CNIH3: variants seen among roughly 807,000 people sequenced by gnomAD.
CNIH3 encodes protein cornichon homolog 3.
CNIH3 carries 14 observed loss-of-function variants against 24.1 expected under a neutral mutation model. The observed-to-expected ratio is 0.58, with a 90% CI of 0.38 to 0.91. The LOEUF is 0.91. Ranked by LOEUF, CNIH3 falls within the 40% of genes least tolerant of loss-of-function variation. CNIH3 has a pLI of 0.00. For missense variants in CNIH3, 178 were observed against 196.8 expected (o/e 0.90, Z 0.57); for synonymous variants, 68 against 73.8 (o/e 0.92, Z 0.40).
chr1:224,449,649 C>T (rs1572261782), intron 1 of CNIH3, among the ~76,000 whole-genome samples: 2 of 152,140 alleles, frequency 1.3e-5, no homozygotes, highest in Admixed American at 6.6e-5. Context: ...CACACCACCA[C>T]CCCCGGCTAC....
At chr1:224,733,569 C>T (rs973387960) in intron 4 of CNIH3, among the ~76,000 whole-genome samples, 5 of 152,152 alleles carry the variant, frequency 3.3e-5, no homozygotes, top group South Asian at 2.1e-4. Context: ...TCCGGATCTG[C>T]GAGTTGCTAC....
intron 1 of CNIH3, among the ~76,000 whole-genome samples, chr1:224,472,010 T>C (rs912330968): frequency 1.3e-5 from 2 of 152,360 alleles, no homozygotes; most frequent in South Asian, 4.1e-4. Context: ...TTGTCAATAG[T>C]GCTGCAGTAA....
At position 224,452,105 on chromosome 1, in the gene CNIH3, C is replaced by G. The variant is rs570031023; in HGVS notation, n.203+17243C>G. ...TCCTCCATGTTGCACTATTATTTTT[C>G]TAATAGTAGAATTAAGACGAAAGTG... On this transcript the variant is annotated intron_variant and non_coding_transcript_variant, in intron 1 of 5. Transcript: ENST00000471578. Among the ~76,000 whole-genome samples the G allele has an allele frequency of 2.0e-5, 3 of 150,918 alleles. No individual in the cohort carries two copies. The East Asian group carries it at 5.8e-4, about 29-fold the overall frequency.
At chr1:224,705,117 AAAAAAT>A (rs572351893) in intron 3 of CNIH3, among the ~76,000 whole-genome samples, 2 of 152,254 alleles carry the variant, frequency 1.3e-5, no homozygotes, top group Middle Eastern at 3.4e-3. Flanking sequence ...CTCCCTCTCA[AAAAAAT>A]AAAAATAAAA....
intron 1 of CNIH3, among the ~76,000 whole-genome samples, chr1:224,450,061 C>T (rs1424318320): frequency 2.0e-5 from 3 of 151,998 alleles, no homozygotes; most frequent in Admixed American, 1.3e-4. Flanking sequence ...ATTGGGAAGC[C>T]CCCTGAGCCA....
intron 1 of CNIH3, among the ~76,000 whole-genome samples, chr1:224,658,004 C>T (rs1279918733): frequency 6.6e-6 from 1 of 152,114 alleles, no homozygotes. Flanking sequence ...ATTAATAACA[C>T]ATTTATATCA....
rs149299345 is a variant in CNIH3 at position 224,492,321 on chromosome 1, C to T, written n.204-23420C>T. Reference sequence around the variant, plus strand: ...ATTACTGTGTGTAGGCATTCCTCCCCAACCTGTAAAGCATAGTTCTTGTTC... The same window carrying T: ...ATTACTGTGTGTAGGCATTCCTCCCTAACCTGTAAAGCATAGTTCTTGTTC... On this transcript the variant is annotated intron_variant and non_coding_transcript_variant, in intron 1 of 5. Transcript: ENST00000471578. Among the ~76,000 whole-genome samples the T allele has an allele frequency of 4.7e-4, 71 of 152,356 alleles. 1 individual carries two copies. The East Asian group carries it at 0.011, about 24-fold the overall frequency.
chr1:224,625,230 G>T (rs2125070228), intron 1 of CNIH3, among the ~76,000 whole-genome samples: 1 of 152,310 alleles, frequency 6.6e-6, no homozygotes, highest in South Asian at 2.1e-4. Flanking sequence ...ACCTGGTTAT[G>T]ACAATCATCT....
At chr1:224,627,510 C>T (rs1683597499) in intron 1 of CNIH3, among the ~76,000 whole-genome samples, 1 of 152,096 alleles carries the variant, frequency 6.6e-6, no homozygotes, top group Non-Finnish European at 1.5e-5. Context: ...AGGCGTGAGC[C>T]ACCGCACCTG....
chr1:224,516,585 G>A (rs1678393519), intron 1 of CNIH3, among the ~76,000 whole-genome samples: 1 of 152,220 alleles, frequency 6.6e-6, no homozygotes, highest in Non-Finnish European at 1.5e-5. Flanking sequence ...TGGGCTTTCT[G>A]CCTTTGGGGT....
upstream of CNIH3, among the ~76,000 whole-genome samples, chr1:224,612,396 A>T (rs1682742625): frequency 6.6e-6 from 1 of 151,874 alleles, no homozygotes; most frequent in Admixed American, 6.6e-5. The surrounding 1 kb of genome is among the most constrained non-coding windows in gnomAD (Gnocchi z 4.7). Context: ...TGAGGAGGAG[A>T]CTGAGCTATG....
chr1:224,535,608 G>A (rs1171299948), intron 2 of CNIH3, among the ~76,000 whole-genome samples: 1 of 152,176 alleles, frequency 6.6e-6, no homozygotes, highest in Non-Finnish European at 1.5e-5. Flanking sequence ...GGGGTGTGGG[G>A]AACTGCATGG....
At position 224,599,945 on chromosome 1, in the gene CNIH3, T is replaced by C. The variant is rs183006042; in HGVS notation, n.402+33681T>C. Among the ~76,000 whole-genome samples, 257 of 152,350 alleles carry C rather than the reference T, an allele frequency of 1.7e-3. 1 individual carries two copies. Among genetic ancestry groups the C allele is most frequent in the African/African-American group, 5.4e-3 (225 of 41,590 alleles). On this transcript the variant is annotated intron_variant and non_coding_transcript_variant, in intron 3 of 7. Coordinates refer to the CNIH3 transcript ENST00000478120. ...TTACAGGTTTTCTATTGGGGCTTCA[T>C]AGAAAATTAATGAATGACATTTTAC...
chr1:224,659,917 A>G (rs534391544), intron 1 of CNIH3, among the ~76,000 whole-genome samples: 3 of 152,364 alleles, frequency 2.0e-5, no homozygotes, highest in South Asian at 4.1e-4. Flanking sequence ...GAAGTTTTCA[A>G]AAAGAAACAG....
intron 3 of CNIH3, among the ~76,000 whole-genome samples, chr1:224,719,695 T>C (rs1688612574): frequency 1.3e-5 from 2 of 152,200 alleles, no homozygotes; most frequent in Non-Finnish European, 2.9e-5. Flanking sequence ...ACTGAGCCTA[T>C]TGAGGTTAAA....
intron 2 of CNIH3, among the ~76,000 whole-genome samples, chr1:224,531,859 A>G (rs1261263800): frequency 6.6e-6 from 1 of 152,160 alleles, no homozygotes. Context: ...GAAGTGGAGG[A>G]AGTCTATTTG....
intron 1 of CNIH3, among the ~76,000 whole-genome samples, chr1:224,445,010 T>C (rs1675094170): frequency 6.6e-6 from 1 of 151,744 alleles, no homozygotes; most frequent in Non-Finnish European, 1.5e-5. Context: ...ATATACATCC[T>C]TAATTGTACA....
chr1:224,641,873 A>T (rs1039891509), intron 1 of CNIH3, among the ~76,000 whole-genome samples: 1 of 151,968 alleles, frequency 6.6e-6, no homozygotes, highest in Admixed American at 6.6e-5. Flanking sequence ...CACCTTGGAA[A>T]CTCAAGTTGT....
chr1:224,667,691 C>T (rs1053222847), intron 1 of CNIH3, among the ~76,000 whole-genome samples: 13 of 151,832 alleles, frequency 8.6e-5, no homozygotes, highest in South Asian at 8.3e-4. Flanking sequence ...ACAGAGAATC[C>T]GCGGCTCTGC....
Sources: gnomAD v4.1 joint callset for allele counts (sites outside exome capture counted in the v4.1 genomes callset) on GRCh38, gnomAD v4.1.1 for gene constraint, Gnocchi (gnomAD v3.1) non-coding constraint, MANE v1.5 for transcripts, NCBI Gene and HGNC (gene_info 2026-07-23, HGNC 2026-07-21) for gene names.